Variants in SLC4A10 observed in about 807,000 individuals in gnomAD.
The protein encoded by SLC4A10 is solute carrier family 4 member 10, also known as sodium-driven chloride bicarbonate exchanger.
A neutral mutation model predicts 137.7 loss-of-function variants in SLC4A10; 42 were observed. That is an observed-to-expected ratio of 0.30 (90% CI 0.24 to 0.39). SLC4A10 has a LOEUF of 0.39. SLC4A10 is among the 10% of genes least tolerant of loss of function. The probability of loss-of-function intolerance (pLI) is 1.00; values close to 1 mark genes in which losing one functional copy is unlikely to be tolerated. For missense variants in SLC4A10, 925 were observed against 1,355.0 expected (o/e 0.68, Z 4.98); for synonymous variants, 474 against 464.1 (o/e 1.02, Z -0.27).
intron 12 of SLC4A10, chr2:161,902,279 C>A (rs182719774): frequency 5.5e-5 from 12 of 219,030 alleles, no homozygotes; most frequent in Admixed American, 2.8e-4. Flanking sequence ...TGATTAGAAT[C>A]AATGGTCTAA....
chr2:161,784,949 A>G lies in SLC4A10; in HGVS notation c.130+13895A>G, dbSNP rs146546501. Among the ~76,000 whole-genome samples, 942 of 151,688 alleles carry G rather than the reference A, an allele frequency of 6.2e-3. 11 individuals carry two copies. The highest frequency in any genetic ancestry group is 0.022 in the African/African-American group (897 of 41,526). ...AATAGAAAACAATAGGAAAAAATCA[A>G]TGAAATTGGGTTTTTTTTTAAAAGA... On this transcript the variant is annotated intron_variant, in intron 2 of 26. Transcript: ENST00000446997.
intron 15 of SLC4A10, among the ~76,000 whole-genome samples, chr2:161,915,357 G>A (rs1575619881): frequency 6.6e-6 from 1 of 152,062 alleles, no homozygotes. Context: ...TTCCTCTTGG[G>A]CACTGGAAAA....
At chr2:161,895,616 G>A (rs2063392471) in intron 11 of SLC4A10, among the ~76,000 whole-genome samples, 1 of 152,172 alleles carries the variant, frequency 6.6e-6, no homozygotes, top group African/African-American at 2.4e-5. Context: ...TAACTGGTGT[G>A]AGATGGTATC....
At chr2:161,689,183 G>C (rs1048085188) in intron 1 of SLC4A10, among the ~76,000 whole-genome samples, 3 of 152,064 alleles carry the variant, frequency 2.0e-5, no homozygotes, top group Non-Finnish European at 2.9e-5. Context: ...GAAAGAAAGA[G>C]TTTTAAAAAT....
chr2:161,957,029 T>C lies in SLC4A10; in HGVS notation c.2582T>C (p.Val861Ala). Residue 861 changes from valine to alanine, a missense_variant, in exon 20 of 27, where the codon GTC becomes GCC. Val to Ala is a moderately conservative substitution (Grantham distance 64). Transcript: ENST00000446997. ...GYHLDLLMVA[V>A]MLGVCSIMGL... ...CATCTGGACCTATTAATGGTGGCTG[T>C]CATGCTCGGTGTATGCTCCATCATG... The C allele has an allele frequency of 6.2e-7, 1 of 1,604,978 alleles. No individual in the cohort carries two copies. The highest frequency in any genetic ancestry group is 8.5e-7 in the Non-Finnish European group (1 of 1,175,706).
chr2:161,792,910 A>G lies in SLC4A10; in HGVS notation c.131-11539A>G, dbSNP rs186659857. Among the ~76,000 whole-genome samples the G allele has an allele frequency of 5.3e-5, 8 of 152,282 alleles. No individual in the cohort carries two copies. In the East Asian group the frequency reaches 1.5e-3, roughly 29 times the overall value. On this transcript the variant is annotated intron_variant, in intron 2 of 26. Coordinates refer to ENST00000446997, the MANE Select transcript of SLC4A10 (RefSeq NM_001178015.2). ...ACTTTGCACATAAATGTTTAAATTTAAAATATCAATTGATATAAATACTGA... is the reference window on the plus strand; with the variant it reads ...ACTTTGCACATAAATGTTTAAATTTGAAATATCAATTGATATAAATACTGA...
At chr2:161,944,432 T>C (rs1345851120) in intron 16 of SLC4A10, among the ~76,000 whole-genome samples, 5 of 151,856 alleles carry the variant, frequency 3.3e-5, no homozygotes, top group African/African-American at 4.8e-5. Context: ...ATTCCTTCTA[T>C]GTATTAGCAA....
intron 15 of SLC4A10, among the ~76,000 whole-genome samples, chr2:161,937,334 C>T (rs1236885616): frequency 6.6e-6 from 1 of 152,088 alleles, no homozygotes; most frequent in African/African-American, 2.4e-5. Context: ...TTACCAGGCC[C>T]CCCAGCACTC....
intron 4 of SLC4A10, among the ~76,000 whole-genome samples, chr2:161,843,586 T>C (rs2059320440): frequency 6.6e-6 from 1 of 152,136 alleles, no homozygotes; most frequent in Non-Finnish European, 1.5e-5. Context: ...AACATATTTA[T>C]TGAGGATTTC....
At chr2:161,952,518 T>A (rs1694975930) in intron 19 of SLC4A10, among the ~76,000 whole-genome samples, 1 of 152,234 alleles carries the variant, frequency 6.6e-6, no homozygotes, top group Non-Finnish European at 1.5e-5. Flanking sequence ...TTACTAAATC[T>A]GTTTTATTGT....
intron 3 of SLC4A10, among the ~76,000 whole-genome samples, chr2:161,824,763 T>C (rs1161978956): frequency 6.6e-6 from 1 of 152,070 alleles, no homozygotes; most frequent in Non-Finnish European, 1.5e-5. Flanking sequence ...CTAAAATAAA[T>C]GGTGGAAGAA....
chr2:161,866,653 T>TTA (rs1559418591), intron 6 of SLC4A10, among the ~76,000 whole-genome samples: 1 of 151,904 alleles, frequency 6.6e-6, no homozygotes, highest in African/African-American at 2.4e-5. Context: ...AGGGTATGGG[T>TTA]GGTAAAGCAC....
chr2:161,659,293 T>C (rs1411767258), intron 1 of SLC4A10, among the ~76,000 whole-genome samples: 1 of 152,134 alleles, frequency 6.6e-6, no homozygotes, highest in African/African-American at 2.4e-5. Flanking sequence ...TTAAGTAAAG[T>C]CAAATACTGC....
At chr2:161,900,703 C>T (rs1435007284) in intron 11 of SLC4A10, among the ~76,000 whole-genome samples, 2 of 152,060 alleles carry the variant, frequency 1.3e-5, no homozygotes, top group Admixed American at 6.6e-5. Context: ...AAGATAGATA[C>T]TGTTGTTACC....
chr2:161,970,055 G>A (rs933168436), intron 23 of SLC4A10, among the ~76,000 whole-genome samples: 4 of 152,166 alleles, frequency 2.6e-5, no homozygotes, highest in African/African-American at 9.7e-5. Context: ...AAACTCTGGG[G>A]ATGGGGCCAA....
At chr2:161,921,241 G>A (rs1022933157) in intron 15 of SLC4A10, among the ~76,000 whole-genome samples, 3 of 152,192 alleles carry the variant, frequency 2.0e-5, no homozygotes, top group Admixed American at 2.0e-4. Flanking sequence ...TCTCTTCATT[G>A]TACCTGTGAA....
intron 1 of SLC4A10, among the ~76,000 whole-genome samples, chr2:161,631,678 G>T (rs554237370): frequency 1.3e-5 from 2 of 151,640 alleles, no homozygotes; most frequent in Non-Finnish European, 3.0e-5. Flanking sequence ...GCAATATTTT[G>T]CAGTTTTGTC....
rs1208112929 is a variant in SLC4A10 at position 161,732,429 on chromosome 2, ACCATGTCACAATCCACCCC to A, written c.49-38542_49-38524del. Among the ~76,000 whole-genome samples the A allele has an allele frequency of 2.6e-5, 4 of 152,174 alleles. No homozygotes were observed. In the East Asian group the frequency reaches 7.7e-4, roughly 29 times the overall value. ...GAGACAAAGACCAACTATATATTTT[ACCATGTCACAATCCACCCC>A]CTAGTCTTCAAACACAGATCCCTTA... On this transcript the variant is annotated intron_variant, in intron 1 of 26. Transcript: ENST00000446997.
chr2:161,731,770 T>C (rs1361436452), intron 1 of SLC4A10, among the ~76,000 whole-genome samples: 2 of 152,202 alleles, frequency 1.3e-5, no homozygotes, highest in East Asian at 1.9e-4. Context: ...AGATTATACA[T>C]GACTTAAAAT....
Sources: gnomAD v4.1 joint callset for allele counts (sites outside exome capture counted in the v4.1 genomes callset) on GRCh38, gnomAD v4.1.1 for gene constraint, MANE v1.5 for transcripts, NCBI Gene and HGNC (gene_info 2026-07-23, HGNC 2026-07-21) for gene names.